Variants in GRIN2A observed in about 807,000 individuals in gnomAD.
GRIN2A encodes the protein glutamate ionotropic receptor NMDA type subunit 2A, also known as glutamate receptor ionotropic, NMDA 2A.
GRIN2A carries 22 observed loss-of-function variants against 113.4 expected under a neutral mutation model. The ratio of observed to expected loss-of-function variants is 0.19; its 90% confidence interval spans 0.14 to 0.28. The LOEUF (loss-of-function observed/expected upper bound fraction) is 0.28. Ranked by LOEUF, GRIN2A falls within the 10% of genes least tolerant of loss-of-function variation. The pLI, the probability that GRIN2A is intolerant of heterozygous loss-of-function variation, is 1.00. For missense variants in GRIN2A, 1,502 were observed against 1,887.0 expected (o/e 0.80, Z 3.78); for synonymous variants, 827 against 738.4 (o/e 1.12, Z -1.94).
chr16:9,923,103 C>T (rs2044388615), intron 3 of GRIN2A, among the ~76,000 whole-genome samples: 1 of 151,958 alleles, frequency 6.6e-6, no homozygotes, highest in South Asian at 2.1e-4. Flanking sequence ...GAATTTATTT[C>T]CCCTTGCAGT....
intron 5 of GRIN2A, among the ~76,000 whole-genome samples, chr16:9,843,957 A>G (rs1031174171): frequency 6.6e-6 from 1 of 152,204 alleles, no homozygotes; most frequent in African/African-American, 2.4e-5. Flanking sequence ...CTTAGTATAC[A>G]TGGCTCTGAA....
At chr16:9,960,627 A>G (rs773397484) in intron 2 of GRIN2A, among the ~76,000 whole-genome samples, 3 of 151,906 alleles carry the variant, frequency 2.0e-5, no homozygotes, top group Non-Finnish European at 2.9e-5. Flanking sequence ...CTTTATTTTT[A>G]TTTATGTATT....
At chr16:9,946,452 C>T (rs929383155) in intron 2 of GRIN2A, among the ~76,000 whole-genome samples, 1 of 152,142 alleles carries the variant, frequency 6.6e-6, no homozygotes, top group African/African-American at 2.4e-5. Context: ...TGACTGGGCC[C>T]CTGGCCTTCT....
At chr16:9,999,598 G>C (rs1469004838) in intron 2 of GRIN2A, among the ~76,000 whole-genome samples, 1 of 152,042 alleles carries the variant, frequency 6.6e-6, no homozygotes, top group Non-Finnish European at 1.5e-5. Context: ...TCAGGGGTTG[G>C]GGGCTAGGGG....
intron 7 of GRIN2A, among the ~76,000 whole-genome samples, chr16:9,835,372 G>A (rs150887452): frequency 1.7e-3 from 261 of 152,272 alleles, no homozygotes; most frequent in Non-Finnish European, 3.1e-3. Flanking sequence ...GGCAGGCCAA[G>A]TCATAAGGCT....
chr16:9,948,914 T>G (rs1299356371), intron 2 of GRIN2A, among the ~76,000 whole-genome samples: 1 of 152,212 alleles, frequency 6.6e-6, no homozygotes, highest in Non-Finnish European at 1.5e-5. Context: ...CGCAAGTGGC[T>G]GGGTCTCCCT....
Position 9,753,636 on chromosome 16 carries a change from TAGAA to T in GRIN2A, c.*9509_*9512del, listed in dbSNP as rs1900252897. The T allele has an allele frequency of 5.1e-6, 1 of 194,724 alleles. No individual in the cohort carries two copies. The highest frequency in any genetic ancestry group is 2.3e-5 in the African/African-American group (1 of 43,188). The allele number at this position is 194,724 out of a possible 1,614,324, so 12.1% of individuals were successfully genotyped here. ...ACCATAGTATATACTTCCTCTATCA[TAGAA>T]AGGTGTTAAGCAAACATATAATTTT... On this transcript the variant is annotated 3_prime_UTR_variant, in exon 13 of 13. Transcript: ENST00000330684.
chr16:9,829,672 C>T lies in GRIN2A; in HGVS notation c.1778-20G>A, dbSNP rs2042452208. ...GGGGTGCTGCAGAAGATGAAAAGGA[C>T]ATTCTCAGCATTTTCTGAAAAAAAT... is the stretch of plus-strand genomic sequence containing the variant. On this transcript the variant is annotated intron_variant, in intron 8 of 12. Coordinates refer to ENST00000330684, the MANE Select transcript of GRIN2A (RefSeq NM_001134407.3). The T allele has an allele frequency of 6.4e-7, 1 of 1,558,550 alleles. No individual in the cohort carries two copies. Among genetic ancestry groups the T allele is most frequent in the South Asian group, 1.1e-5 (1 of 89,930 alleles).
intron 2 of GRIN2A, among the ~76,000 whole-genome samples, chr16:10,173,174 C>T (rs573745572): frequency 4.5e-4 from 68 of 152,312 alleles, no homozygotes; most frequent in African/African-American, 1.5e-3. Flanking sequence ...ATGGAAAAGA[C>T]TAAAGATAGG....
At position 9,764,559 on chromosome 16, in the gene GRIN2A, C is replaced by G. The variant is rs781646325; in HGVS notation, c.2985G>C (p.Thr995=). 20 of 1,613,960 alleles carry G rather than the reference C, an allele frequency of 1.2e-5. No individual in the cohort carries two copies. The highest frequency in any genetic ancestry group is 1.7e-5 in the Non-Finnish European group (20 of 1,179,994). ...ATTCTGTGCTCACGGCCACCTCCACCGTGTTAGGGTTGGACTCATTGAGAG... is the reference window on the plus strand; with the variant it reads ...ATTCTGTGCTCACGGCCACCTCCACGGTGTTAGGGTTGGACTCATTGAGAG... ...PLTLNESNPN[T]VEVAVSTESK... is the part of the protein sequence containing the mutation. The change falls in exon 13 of 13, where the codon ACG becomes ACC. Residue 995 remains threonine, a synonymous_variant. Coordinates refer to ENST00000330684, the MANE Select transcript of GRIN2A (RefSeq NM_001134407.3).
intron 2 of GRIN2A, among the ~76,000 whole-genome samples, chr16:10,006,396 G>C (rs954454570): frequency 6.6e-6 from 1 of 152,160 alleles, no homozygotes; most frequent in Non-Finnish European, 1.5e-5. Context: ...AGTGCTAAGG[G>C]GGAGCGGTCA....
At chr16:9,909,831 G>A (rs553833331) in intron 3 of GRIN2A, among the ~76,000 whole-genome samples, 69 of 152,280 alleles carry the variant, frequency 4.5e-4, no homozygotes, top group Middle Eastern at 3.4e-3. Context: ...TTAAGAAGAC[G>A]CTATGGTGGA....
intron 10 of GRIN2A, among the ~76,000 whole-genome samples, chr16:9,801,606 A>G (rs1903366250): frequency 6.6e-6 from 1 of 152,252 alleles, no homozygotes; most frequent in Non-Finnish European, 1.5e-5. Context: ...TGAGCTGAGC[A>G]ACAGACAGAC....
intron 5 of GRIN2A, among the ~76,000 whole-genome samples, chr16:9,843,016 AGGG>A (rs1000123390): frequency 2.7e-5 from 4 of 150,406 alleles, no homozygotes; most frequent in Non-Finnish European, 5.9e-5. Flanking sequence ...AAAGAGAAAA[AGGG>A]GGGAGAGGGA....
intron 2 of GRIN2A, among the ~76,000 whole-genome samples, chr16:10,074,716 C>G (rs371974700): frequency 6.6e-6 from 1 of 152,100 alleles, no homozygotes; most frequent in African/African-American, 2.4e-5. Context: ...TCCATGGTTT[C>G]TAGGGCTGGG....
chr16:9,939,604 A>T (rs1051275847), intron 2 of GRIN2A, among the ~76,000 whole-genome samples: 1 of 152,130 alleles, frequency 6.6e-6, no homozygotes, highest in African/African-American at 2.4e-5. Context: ...CCCCTAACTC[A>T]TCAAATCCCC....
chr16:10,000,060 T>C (rs1028734192), intron 2 of GRIN2A, among the ~76,000 whole-genome samples: 2 of 152,058 alleles, frequency 1.3e-5, no homozygotes, highest in Non-Finnish European at 2.9e-5. Flanking sequence ...TCCTCTACCT[T>C]CACTATACAT....
chr16:9,968,857 T>C (rs2045613737), intron 2 of GRIN2A, among the ~76,000 whole-genome samples: 1 of 152,178 alleles, frequency 6.6e-6, no homozygotes, highest in Admixed American at 6.5e-5. Flanking sequence ...TCCGCCCGCC[T>C]CAGCCTTCCA....
At chr16:10,173,012 CA>C (rs939851237) in intron 2 of GRIN2A, among the ~76,000 whole-genome samples, 2 of 152,186 alleles carry the variant, frequency 1.3e-5, no homozygotes, top group Non-Finnish European at 2.9e-5. Context: ...AACACCGCTG[CA>C]AACCCACCAG....
Sources: gnomAD v4.1 joint callset for allele counts (sites outside exome capture counted in the v4.1 genomes callset) on GRCh38, gnomAD v4.1.1 for gene constraint, MANE v1.5 for transcripts, NCBI Gene and HGNC (gene_info 2026-07-23, HGNC 2026-07-21) for gene names.